Variants in SNRPN observed in about 807,000 individuals in gnomAD.
The protein encoded by SNRPN is small nuclear ribonucleoprotein polypeptide N.
A neutral mutation model predicts 25.2 loss-of-function variants in SNRPN; 7 were observed. The observed-to-expected ratio is 0.28, with a 90% confidence interval of 0.16 to 0.52. The LOEUF is 0.52. Ranked by LOEUF, SNRPN falls within the 20% of genes least tolerant of loss-of-function variation. The probability of loss-of-function intolerance (pLI) is 0.96; values close to 1 mark genes in which losing one functional copy is unlikely to be tolerated. For synonymous variants in SNRPN, 124 were observed against 110.6 expected, an observed-to-expected ratio of 1.12 and a Z score of -0.76; for missense variants, 196 against 322.5, an observed-to-expected ratio of 0.61 and a Z score of 3.00.
At chr15:24,921,303 A>G (rs1294421381) in intron 3 of SNRPN, 1 of 152,192 alleles carries the variant, frequency 6.6e-6, no homozygotes, top group African/African-American at 2.4e-5. Context: ...GTGAGGATGC[A>G]GGTGCGTTTT....
intron 1 of SNRPN, among the ~76,000 whole-genome samples, chr15:24,881,584 GGAGA>G (rs1157961647): frequency 0.014 from 805 of 57,190 alleles, 14 homozygotes; most frequent in Non-Finnish European, 0.02. Flanking sequence ...AGGGAGGGAG[GGAGA>G]GAGAGAGAGA....
At chr15:24,827,243 G>A (rs568102143) in intron 1 of SNRPN, among the ~76,000 whole-genome samples, 17 of 151,930 alleles carry the variant, frequency 1.1e-4, no homozygotes, top group Admixed American at 8.5e-4. Context: ...AGCCGGGCGC[G>A]GTGGCTCACG....
intron 2 of SNRPN, among the ~76,000 whole-genome samples, chr15:24,904,327 T>C (rs2058659957): frequency 6.6e-6 from 1 of 152,150 alleles, no homozygotes; most frequent in South Asian, 2.1e-4. Flanking sequence ...GAGTATGTTT[T>C]AATGGCACAC....
intron 1 of SNRPN, chr15:24,958,588 T>C (rs1478590751): frequency 6.9e-6 from 1 of 145,068 alleles, no homozygotes; most frequent in East Asian, 2.2e-4. Context: ...CTATATCCTC[T>C]CCCTCCTCAG....
intron 2 of SNRPN, among the ~76,000 whole-genome samples, chr15:24,891,415 A>T (rs1204642167): frequency 1.3e-5 from 2 of 151,754 alleles, no homozygotes; most frequent in Non-Finnish European, 2.9e-5. Context: ...TTAATTTGGT[A>T]GTATCATTGG....
At chr15:24,911,834 G>A (rs571019460) in intron 2 of SNRPN, among the ~76,000 whole-genome samples, 1 of 152,336 alleles carries the variant, frequency 6.6e-6, no homozygotes, top group South Asian at 2.1e-4. Context: ...GCAATACTCA[G>A]TGGAGCCATA....
rs538088787 is a variant in SNRPN, at chr15:24,897,334, C to T, written c.-505+10745C>T. On this transcript the variant is annotated intron_variant, in intron 2 of 11. Transcript: ENST00000400097. ...GGATGTGGTGGCTCACACCTGTAAT[C>T]CCAGCATCTTGGGAAACCAAGGTGG... 3.9e-5 allele frequency among the ~76,000 whole-genome samples: 6 copies of T among 152,230 alleles called. No individual in the cohort carries two copies. In the East Asian group the frequency reaches 1.2e-3, roughly 29 times the overall value.
At chr15:24,871,407 T>G (rs763388374) in intron 1 of SNRPN, among the ~76,000 whole-genome samples, 4 of 151,986 alleles carry the variant, frequency 2.6e-5, no homozygotes, top group Non-Finnish European at 4.4e-5. Flanking sequence ...TTTCCCAGGG[T>G]GTCATATACA....
chr15:24,894,960 G>A (rs561698276), intron 2 of SNRPN, among the ~76,000 whole-genome samples: 1 of 152,296 alleles, frequency 6.6e-6, no homozygotes, highest in Admixed American at 6.5e-5. Flanking sequence ...TATGTAACAT[G>A]AGTCTTCATA....
intron 3 of SNRPN, among the ~76,000 whole-genome samples, chr15:24,932,689 G>A (rs2060954552): frequency 6.8e-6 from 1 of 147,592 alleles, no homozygotes; most frequent in Non-Finnish European, 1.5e-5. Flanking sequence ...CACTCTTGTT[G>A]CCCAGGCTGG....
At chr15:24,955,276 G>A (rs2062653358) in intron 1 of SNRPN, among the ~76,000 whole-genome samples, 3 of 151,866 alleles carry the variant, frequency 2.0e-5, no homozygotes, top group Admixed American at 2.0e-4. Context: ...ATTGGGGCGC[G>A]TCCCCCATCC....
At chr15:24,936,001 G>C (rs1315155914) in intron 3 of SNRPN, among the ~76,000 whole-genome samples, 1 of 152,004 alleles carries the variant, frequency 6.6e-6, no homozygotes, top group African/African-American at 2.4e-5. Flanking sequence ...TGAAGTCCCA[G>C]CTACTTGAGA....
intron 3 of SNRPN, among the ~76,000 whole-genome samples, chr15:24,947,167 A>G (rs2061937726): frequency 6.6e-6 from 1 of 152,164 alleles, no homozygotes; most frequent in Admixed American, 6.5e-5. Context: ...TTTCAAAAAT[A>G]TTTTAGTGTG....
chr15:24,936,449 AG>A (rs2061239993), intron 3 of SNRPN, among the ~76,000 whole-genome samples: 2 of 152,184 alleles, frequency 1.3e-5, no homozygotes, highest in South Asian at 2.1e-4. Context: ...ATTTGGACCA[AG>A]GGCCTAGTGA....
intron 1 of SNRPN, among the ~76,000 whole-genome samples, chr15:24,876,616 CAA>C (rs397943017): frequency 3.0e-4 from 27 of 88,946 alleles, no homozygotes; most frequent in African/African-American, 6.3e-4. Context: ...GACTCCATCT[CAA>C]AAAAAAAAAA....
chr15:24,835,057 T>TATATAGTATATATATCTATATATAAA (rs1566807404), intron 2 of SNRPN, among the ~76,000 whole-genome samples: 1 of 25,858 alleles, frequency 3.9e-5, no homozygotes. Context: ...TATATAAAAA[T>TATATAGTATATATATCTATATATAAA]ATAGATATAT....
At chr15:24,970,159 C>A (rs1284592824) in intron 3 of SNRPN, among the ~76,000 whole-genome samples, 1 of 152,152 alleles carries the variant, frequency 6.6e-6, no homozygotes, top group Non-Finnish European at 1.5e-5. Context: ...GGGAAGGGAT[C>A]AGTCTAAGAG....
intron 1 of SNRPN, among the ~76,000 whole-genome samples, chr15:24,957,573 C>G (rs2063132874): frequency 6.6e-6 from 1 of 152,160 alleles, no homozygotes; most frequent in Admixed American, 6.5e-5. Context: ...TCTGTATTTA[C>G]ATTTTCCCTC....
intron 3 of SNRPN, among the ~76,000 whole-genome samples, chr15:24,926,474 A>C (rs959685654): frequency 6.6e-6 from 1 of 152,102 alleles, no homozygotes; most frequent in Non-Finnish European, 1.5e-5. Context: ...TTTGAATGAT[A>C]AATTATGCAG....
Sources: gnomAD v4.1 joint callset for allele counts (sites outside exome capture counted in the v4.1 genomes callset) on GRCh38, gnomAD v4.1.1 for gene constraint, MANE v1.5 for transcripts, NCBI Gene and HGNC (gene_info 2026-07-23, HGNC 2026-07-21) for gene names.